Variants in PCDH15 observed in about 807,000 individuals in gnomAD.
The protein encoded by PCDH15 is protocadherin-15.
In PCDH15, 129 loss-of-function variants were observed where a neutral mutation model predicts 178.5. The observed-to-expected ratio is 0.72, with a 90% CI of 0.63 to 0.84. PCDH15 has a LOEUF of 0.84. Among genes scored for constraint, PCDH15 ranks in the 40% least tolerant of loss-of-function variants. PCDH15 has a pLI of 0.00. For synonymous variants in PCDH15, 800 were observed against 732.0 expected, an observed-to-expected ratio of 1.09 and a Z score of -1.50; for missense variants, 2,230 against 2,099.9, an observed-to-expected ratio of 1.06 and a Z score of -1.21.
chr10:54,438,513 A>G (rs2075586175), intron 3 of PCDH15, among the ~76,000 whole-genome samples: 1 of 152,158 alleles, frequency 6.6e-6, no homozygotes, highest in African/African-American at 2.4e-5. Context: ...TCATTCACCT[A>G]AAGTGGGAAG....
At chr10:55,161,662 CT>C (rs1839070303) in intron 2 of PCDH15, among the ~76,000 whole-genome samples, 1 of 152,040 alleles carries the variant, frequency 6.6e-6, no homozygotes, top group African/African-American at 2.4e-5. Flanking sequence ...GATGGCAGAA[CT>C]TCTCTAACCC....
rs529402469 is a variant in PCDH15, at chr10:53,890,224, G to A, written c.3501+13019C>T. On this transcript the variant is annotated intron_variant, in intron 26 of 37. Coordinates refer to ENST00000644397, the MANE Select transcript of PCDH15 (RefSeq NM_001384140.1). ...AGGCGGATCACAAGGTCAGGAGATC[G>A]AGACCATCCTGGCTAATACGGTGAA... Among the ~76,000 whole-genome samples, 19 of 152,278 alleles carry A rather than the reference G, an allele frequency of 1.2e-4. No homozygotes were observed. In the East Asian group the frequency reaches 1.5e-3, roughly 12 times the overall value.
intron 2 of PCDH15, among the ~76,000 whole-genome samples, chr10:55,521,507 T>C (rs1157564542): frequency 6.6e-6 from 1 of 151,956 alleles, no homozygotes; most frequent in Non-Finnish European, 1.5e-5. Context: ...GGCCTGGAAC[T>C]TATAATAGGG....
At chr10:54,796,433 C>A (rs574887557) in intron 1 of PCDH15, among the ~76,000 whole-genome samples, 4 of 149,834 alleles carry the variant, frequency 2.7e-5, no homozygotes, top group Non-Finnish European at 5.9e-5. Flanking sequence ...TCTCTATATC[C>A]CTTTCCCTAT....
At chr10:54,267,259 G>A (rs1292034719) in intron 8 of PCDH15, among the ~76,000 whole-genome samples, 3 of 151,696 alleles carry the variant, frequency 2.0e-5, no homozygotes, top group Admixed American at 2.0e-4. Context: ...AGTAGACTAG[G>A]CATTTAAAGA....
At chr10:54,170,704 C>T (rs1353896583) in intron 13 of PCDH15, among the ~76,000 whole-genome samples, 2 of 152,020 alleles carry the variant, frequency 1.3e-5, no homozygotes, top group African/African-American at 4.8e-5. Context: ...AAATTTCCTT[C>T]TTTCCTGTTC....
chr10:55,285,517 T>A lies in PCDH15; in HGVS notation c.-156+34082A>T, dbSNP rs749234173. Among the ~76,000 whole-genome samples, 68 of 151,724 alleles carry A rather than the reference T, an allele frequency of 4.5e-4. 1 individual carries two copies. Among genetic ancestry groups the A allele is most frequent in the Non-Finnish European group, 1.3e-4 (9 of 67,780 alleles). On this transcript the variant is annotated intron_variant, in intron 1 of 5. Transcript: ENST00000458638. ...GTTTGATGATATTTAACTTAGTAAG[T>A]CCCCTTTTATTAGAACTATAGGATG...
intron 2 of PCDH15, among the ~76,000 whole-genome samples, chr10:55,121,548 T>C (rs925774891): frequency 6.6e-6 from 1 of 152,146 alleles, no homozygotes; most frequent in Admixed American, 6.6e-5. Context: ...GGGAAGACCA[T>C]CATGGTTTGA....
chr10:55,087,917 A>C (rs940346644), intron 2 of PCDH15, among the ~76,000 whole-genome samples: 1 of 152,142 alleles, frequency 6.6e-6, no homozygotes, highest in Admixed American at 6.6e-5. Context: ...TAGAGAATAA[A>C]AGATTTATAG....
intron 2 of PCDH15, chr10:54,599,947 G>C (rs2092446130): frequency 2.1e-6 from 2 of 952,944 alleles, no homozygotes; most frequent in Non-Finnish European, 3.3e-6. Context: ...GTTGGTGGCA[G>C]ACACCAAGGT....
At chr10:55,227,929 C>T (rs563729537) in intron 1 of PCDH15, among the ~76,000 whole-genome samples, 4 of 151,848 alleles carry the variant, frequency 2.6e-5, no homozygotes, top group Admixed American at 6.6e-5. Context: ...ATTTGACAGC[C>T]CCCCCATCCC....
chr10:54,868,785 A>G (rs2131790939), intron 3 of PCDH15, among the ~76,000 whole-genome samples: 1 of 152,260 alleles, frequency 6.6e-6, no homozygotes, highest in African/African-American at 2.4e-5. Flanking sequence ...CTATGTAGCA[A>G]TCAATGTTAT....
intron 1 of PCDH15, among the ~76,000 whole-genome samples, chr10:55,239,761 A>G (rs1322759827): frequency 1.3e-5 from 2 of 152,156 alleles, no homozygotes; most frequent in East Asian, 3.9e-4. Flanking sequence ...CGCCTTAGAA[A>G]AGGAAAATGT....
intron 2 of PCDH15, among the ~76,000 whole-genome samples, chr10:55,006,599 A>G (rs1438050748): frequency 6.6e-6 from 1 of 151,658 alleles, no homozygotes; most frequent in Admixed American, 6.6e-5. Flanking sequence ...AGTTTTCAAG[A>G]GGTCTGGTCA....
chr10:53,856,157 C>T (rs768434653), intron 28 of PCDH15, among the ~76,000 whole-genome samples: 24 of 151,298 alleles, frequency 1.6e-4, no homozygotes, highest in Non-Finnish European at 2.7e-4. Flanking sequence ...GGGATAAAGA[C>T]TGTACGTTGG....
chr10:54,368,863 G>A (rs1947208269), intron 5 of PCDH15, among the ~76,000 whole-genome samples: 1 of 151,656 alleles, frequency 6.6e-6, no homozygotes, highest in African/African-American at 2.4e-5. Context: ...GATGGATCTA[G>A]GCAATAAATT....
chr10:55,384,752 T>C (rs547917587), intron 2 of PCDH15, among the ~76,000 whole-genome samples: 1 of 152,124 alleles, frequency 6.6e-6, no homozygotes, highest in Non-Finnish European at 1.5e-5. Flanking sequence ...ATTTAGATAA[T>C]ATGAATTCAA....
chr10:54,958,350 T>C (rs1838546739), intron 2 of PCDH15, among the ~76,000 whole-genome samples: 1 of 151,758 alleles, frequency 6.6e-6, no homozygotes, highest in South Asian at 2.1e-4. Context: ...TGGTATCCCA[T>C]GAAATTCAAG....
At position 54,344,966 on chromosome 10, in the gene PCDH15, GTA is replaced by G. The variant is rs1233847961; in HGVS notation, c.594+1397_594+1398del. Among the ~76,000 whole-genome samples the G allele has an allele frequency of 1.6e-3, 212 of 136,570 alleles. 1 individual carries two copies. The highest frequency in any genetic ancestry group is 7.6e-3 in the Middle Eastern group (2 of 262). 89.6% of individuals were successfully genotyped at this position (136,570 alleles called of 152,430 possible). A position where few individuals can be genotyped will look rare whatever the true frequency, so the allele number is the denominator to read the frequency against. ...CTGACCTTCACCCTGCTAATAAAAT[GTA>G]TATATATATATTATATATATATACT... On this transcript the variant is annotated intron_variant, in intron 6 of 37. Transcript: ENST00000644397.
Sources: allele counts gnomAD v4.1 joint callset (sites outside exome capture counted in the v4.1 genomes callset), GRCh38; gene constraint gnomAD v4.1.1; transcripts MANE v1.5; gene names NCBI Gene and HGNC (gene_info 2026-07-23, HGNC 2026-07-21).